Variants in POU2F1 observed in about 807,000 individuals in gnomAD.
The protein encoded by POU2F1 is POU domain, class 2, transcription factor 1.
POU2F1 carries 16 observed loss-of-function variants against 84.9 expected under a neutral mutation model. That is an observed-to-expected ratio of 0.19 (90% CI 0.13 to 0.29). POU2F1 has a LOEUF of 0.29. Ranked by LOEUF, POU2F1 falls within the 10% of genes least tolerant of loss-of-function variation. The pLI is 1.00. For missense variants in POU2F1, 738 were observed against 942.6 expected, an observed-to-expected ratio of 0.78 and a Z score of 2.84; for synonymous variants, 368 against 368.3, an observed-to-expected ratio of 1.00 and a Z score of 0.01.
chr1:167,396,661 C>G (rs1412432882), intron 10 of POU2F1: 2 of 456,506 alleles, frequency 4.4e-6, no homozygotes, highest in Admixed American at 3.7e-5. Context: ...GCCTGAAATA[C>G]TCTTGTATTT....
chr1:167,233,008 C>G (rs34994552), intron 1 of POU2F1, among the ~76,000 whole-genome samples: 1 of 152,084 alleles, frequency 6.6e-6, no homozygotes, highest in Admixed American at 6.6e-5. Flanking sequence ...CATTCATTGA[C>G]TCACCCAAAG....
In POU2F1 at chr1:167,333,253, G is replaced by A. The variant is rs115364081; in HGVS notation, c.127+718G>A. On this transcript the variant is annotated intron_variant, in intron 2 of 15. Coordinates refer to ENST00000367866, the MANE Select transcript of POU2F1 (RefSeq NM_002697.4). ...GTTTGTCTCCACGGCTCATACTCTT[G>A]AGTCAGTATATTGCTTAGAGGATGT... Among the ~76,000 whole-genome samples the A allele has an allele frequency of 7.0e-3, 1,059 of 152,278 alleles. 7 individuals carry two copies. The highest frequency in any genetic ancestry group is 0.024 in the African/African-American group (1,005 of 41,550).
intron 1 of POU2F1, among the ~76,000 whole-genome samples, chr1:167,241,850 A>G (rs2173297): frequency 0.99 from 150,066 of 152,316 alleles, 73,961 homozygotes; most frequent in East Asian, 1. Flanking sequence ...GGAAAGTGGT[A>G]GTGTTAAAAA....
intron 1 of POU2F1, among the ~76,000 whole-genome samples, chr1:167,271,824 C>T (rs944363060): frequency 1.3e-5 from 2 of 152,038 alleles, no homozygotes; most frequent in African/African-American, 2.4e-5. Context: ...AGGTCAAATT[C>T]GTGTTTTCTG....
chr1:167,260,291 A>G (rs1459404376), intron 1 of POU2F1, among the ~76,000 whole-genome samples: 2 of 152,114 alleles, frequency 1.3e-5, no homozygotes, highest in African/African-American at 2.4e-5. Context: ...TTGCTCGGTT[A>G]TGTATGTTCT....
At chr1:167,276,984 G>A (rs1216524066) in intron 1 of POU2F1, among the ~76,000 whole-genome samples, 2 of 152,190 alleles carry the variant, frequency 1.3e-5, no homozygotes, top group Admixed American at 1.3e-4. Context: ...TCTACTGCCA[G>A]TCTAAGCCAT....
At chr1:167,400,254 C>T (rs1329410173) in intron 12 of POU2F1, among the ~76,000 whole-genome samples, 1 of 151,898 alleles carries the variant, frequency 6.6e-6, no homozygotes, top group Non-Finnish European at 1.5e-5. Context: ...TCCCAAAGTC[C>T]CAACGTGCTG....
chr1:167,365,316 C>T, intron 2 of POU2F1, 151 bp from the exon 3 acceptor site: 1 of 511,896 alleles, frequency 2.0e-6, no homozygotes, highest in Non-Finnish European at 3.5e-6. Flanking sequence ...AACCAGTTTA[C>T]TGTTTCCTTT....
At chr1:167,241,534 G>A (rs1448207048) in intron 1 of POU2F1, 6 of 152,170 alleles carry the variant, frequency 3.9e-5, no homozygotes, top group Admixed American at 3.9e-4. Context: ...TGTTGGATGT[G>A]ATGAAGGATT....
At chr1:167,316,814 G>A (rs1273776277) in intron 1 of POU2F1, among the ~76,000 whole-genome samples, 1 of 152,178 alleles carries the variant, frequency 6.6e-6, no homozygotes, top group African/African-American at 2.4e-5. Flanking sequence ...AACAAAACAA[G>A]GCTTATTTTT....
intron 1 of POU2F1, among the ~76,000 whole-genome samples, chr1:167,239,059 A>G (rs967322003): frequency 6.6e-6 from 1 of 152,168 alleles, no homozygotes. Context: ...GTATGGTGTA[A>G]GGTGTAACCC....
chr1:167,268,169 A>G (rs1652116361), intron 1 of POU2F1, among the ~76,000 whole-genome samples: 1 of 152,188 alleles, frequency 6.6e-6, no homozygotes, highest in Non-Finnish European at 1.5e-5. Flanking sequence ...TTCAAGAAAT[A>G]CATGTAGCAG....
intron 8 of POU2F1, among the ~76,000 whole-genome samples, chr1:167,388,396 G>GT (rs1309341730): frequency 1.3e-5 from 2 of 152,092 alleles, no homozygotes; most frequent in African/African-American, 4.8e-5. Context: ...CCATGAAATT[G>GT]TTTATCTAGT....
chr1:167,377,745 T>C (rs1454973308), intron 7 of POU2F1, among the ~76,000 whole-genome samples: 1 of 152,226 alleles, frequency 6.6e-6, no homozygotes, highest in Non-Finnish European at 1.5e-5. Flanking sequence ...AGGGATTTGA[T>C]GTACAGATAA....
intron 1 of POU2F1, among the ~76,000 whole-genome samples, chr1:167,242,844 A>G (rs775467868): frequency 6.6e-6 from 1 of 152,342 alleles, no homozygotes; most frequent in Non-Finnish European, 1.5e-5. Context: ...TAAATGCTGT[A>G]TCTGTATATG....
intron 13 of POU2F1, among the ~76,000 whole-genome samples, chr1:167,402,110 C>T (rs953118251): frequency 6.6e-6 from 1 of 152,198 alleles, no homozygotes; most frequent in Non-Finnish European, 1.5e-5. Context: ...GCATGACATA[C>T]TCACTATAAA....
chr1:167,316,262 G>A (rs770031927), intron 1 of POU2F1, among the ~76,000 whole-genome samples: 1 of 152,206 alleles, frequency 6.6e-6, no homozygotes, highest in Non-Finnish European at 1.5e-5. Flanking sequence ...TACATAAGAC[G>A]TAACCAGTGG....
At chr1:167,337,747 T>G (rs761336392) in intron 2 of POU2F1, among the ~76,000 whole-genome samples, 1 of 150,302 alleles carries the variant, frequency 6.7e-6, no homozygotes, top group East Asian at 2.0e-4. Context: ...AGAAAGGATA[T>G]CTGCCTGAAC....
At chr1:167,228,753 T>A (rs948558782) in intron 1 of POU2F1, among the ~76,000 whole-genome samples, 2 of 152,370 alleles carry the variant, frequency 1.3e-5, no homozygotes, top group African/African-American at 4.8e-5. Context: ...ATTGCTTCCA[T>A]CTTTAAACTC....
Sources: allele counts gnomAD v4.1 joint callset (sites outside exome capture counted in the v4.1 genomes callset), GRCh38; gene constraint gnomAD v4.1.1; transcripts MANE v1.5; gene names NCBI Gene and HGNC (gene_info 2026-07-23, HGNC 2026-07-21).